GFRAL: variants seen among roughly 807,000 people sequenced by gnomAD.
GFRAL encodes GDNF family receptor alpha like.
In GFRAL, 36 loss-of-function variants were observed where a neutral mutation model predicts 45.4. That is an observed-to-expected ratio of 0.79 (90% CI 0.61 to 1.05). The LOEUF (loss-of-function observed/expected upper bound fraction) is 1.05. Among genes scored for constraint, GFRAL ranks in the 50% least tolerant of loss-of-function variants. The pLI is 0.00. For synonymous variants in GFRAL, 166 were observed against 154.1 expected, an observed-to-expected ratio of 1.08 and a Z score of -0.57; for missense variants, 507 against 467.5, an observed-to-expected ratio of 1.08 and a Z score of -0.78.
At chr6:55,376,044 TTTA>T (rs2127361867) in intron 6 of GFRAL, among the ~76,000 whole-genome samples, 1 of 152,194 alleles carries the variant, frequency 6.6e-6, no homozygotes, top group Admixed American at 6.6e-5. Flanking sequence ...CAATAACTAG[TTTA>T]TTGAGAGTTT....
intron 5 of GFRAL, among the ~76,000 whole-genome samples, chr6:55,352,329 A>G (rs1418117575): frequency 1.3e-5 from 2 of 152,118 alleles, no homozygotes; most frequent in African/African-American, 4.8e-5. Flanking sequence ...ACATTAAGAG[A>G]AAAGGGATAG....
rs1354512225 is a variant in GFRAL, at chr6:55,401,657, G to A, written c.1122-133G>A. The A allele has an allele frequency of 3.8e-5, 25 of 661,826 alleles. No homozygotes were observed. In the South Asian group the frequency reaches 3.8e-4, roughly 10 times the overall value. The allele number at this position is 661,826 out of a possible 1,614,324, so 41.0% of individuals were successfully genotyped here. A position where few individuals can be genotyped will look rare whatever the true frequency, so the allele number is the denominator to read the frequency against. On this transcript the variant is annotated intron_variant, in intron 8 of 8. Transcript: ENST00000340465. The stretch of plus-strand genomic sequence containing the variant: ...AAGAAAATATGATATTTTACTATTG[G>A]GACTTTACATTCTGGAACTTGATTA...
intron 6 of GFRAL, among the ~76,000 whole-genome samples, chr6:55,366,021 G>A (rs952228118): frequency 2.6e-5 from 4 of 150,988 alleles, no homozygotes; most frequent in Admixed American, 2.0e-4. Context: ...AATGGTACCA[G>A]TTCCTCCTTG....
intron 6 of GFRAL, among the ~76,000 whole-genome samples, chr6:55,372,176 C>T (rs1360728816): frequency 2.0e-5 from 3 of 152,172 alleles, no homozygotes; most frequent in South Asian, 2.1e-4. Flanking sequence ...ACCCTGAATG[C>T]TCCTCTTATT....
intron 6 of GFRAL, among the ~76,000 whole-genome samples, chr6:55,366,744 A>G (rs1394116579): frequency 9.3e-6 from 1 of 107,302 alleles, no homozygotes; most frequent in Non-Finnish European, 1.8e-5. Flanking sequence ...CATGTAGTTG[A>G]GTGGTTTTGA....
chr6:55,371,073 C>T (rs567047269), intron 6 of GFRAL, among the ~76,000 whole-genome samples: 5 of 152,146 alleles, frequency 3.3e-5, no homozygotes, highest in Non-Finnish European at 7.3e-5. Flanking sequence ...GCCTTCCAAT[C>T]CACAGATATA....
chr6:55,340,914 C>T (rs1767955334), intron 3 of GFRAL, among the ~76,000 whole-genome samples: 1 of 152,202 alleles, frequency 6.6e-6, no homozygotes, highest in Non-Finnish European at 1.5e-5. Context: ...GCCCATGGAG[C>T]CTCGCTCATT....
At chr6:55,358,858 A>C (rs906201399) in intron 5 of GFRAL, 30 bp from the exon 6 acceptor site, 2 of 1,602,500 alleles carry the variant, frequency 1.2e-6, no homozygotes, top group Non-Finnish European at 1.7e-6. Flanking sequence ...ACTATTCAAA[A>C]CTAATTATTT....
intron 3 of GFRAL, among the ~76,000 whole-genome samples, chr6:55,345,129 T>C (rs1303773299): frequency 2.6e-5 from 4 of 152,132 alleles, no homozygotes; most frequent in South Asian, 4.1e-4. Flanking sequence ...AGGTAATTTA[T>C]AGATTCAATG....
intron 6 of GFRAL, among the ~76,000 whole-genome samples, chr6:55,378,195 G>C (rs1451305615): frequency 2.6e-5 from 4 of 151,978 alleles, no homozygotes; most frequent in African/African-American, 9.7e-5. Context: ...ATGGTACAAT[G>C]TCCAAGATGA....
At chr6:55,359,254 G>T in intron 6 of GFRAL, 116 bp downstream of exon 6, 1 of 812,880 alleles carries the variant, frequency 1.2e-6, no homozygotes. Context: ...AGACATTTTT[G>T]TGTTTGGTAT....
At chr6:55,359,835 C>T (rs1768249896) in intron 6 of GFRAL, among the ~76,000 whole-genome samples, 1 of 151,912 alleles carries the variant, frequency 6.6e-6, no homozygotes, top group Non-Finnish European at 1.5e-5. Context: ...CAATGGCCAA[C>T]CTCAGAGTCA....
intron 6 of GFRAL, among the ~76,000 whole-genome samples, chr6:55,374,843 C>G (rs1768502397): frequency 6.6e-6 from 1 of 152,052 alleles, no homozygotes; most frequent in South Asian, 2.1e-4. Context: ...TCTGCATATG[C>G]TAACCAGCAC....
Position 55,327,485 on chromosome 6 carries a change from C to T in GFRAL, c.-70C>T, listed in dbSNP as rs1226379089. On this transcript the variant is annotated 5_prime_UTR_variant, in exon 1 of 9. Transcript: ENST00000340465. ...GCTGAAGCCTTATTCTGGACAGTTA[C>T]TCTTAAGAAAGTTGTCAGAAGAAAC... is the stretch of plus-strand genomic sequence containing the variant. 2.6e-6 allele frequency: 4 copies of T among 1,549,982 alleles called. No individual in the cohort carries two copies. Among genetic ancestry groups the T allele is most frequent in the Non-Finnish European group, 3.6e-6 (4 of 1,124,466 alleles).
At chr6:55,386,311 TA>T (rs1383911850) in intron 6 of GFRAL, among the ~76,000 whole-genome samples, 1 of 152,138 alleles carries the variant, frequency 6.6e-6, no homozygotes, top group Non-Finnish European at 1.5e-5. Flanking sequence ...TAAAACTGCA[TA>T]TTTTTTTAGC....
intron 6 of GFRAL, among the ~76,000 whole-genome samples, chr6:55,371,911 A>C (rs1461577500): frequency 1.3e-5 from 2 of 152,118 alleles, no homozygotes; most frequent in Non-Finnish European, 2.9e-5. Context: ...TCACAGACAA[A>C]TTTTCCAGAA....
chr6:55,390,783 G>A (rs1242150174), intron 6 of GFRAL, among the ~76,000 whole-genome samples: 3 of 151,998 alleles, frequency 2.0e-5, no homozygotes, highest in African/African-American at 4.8e-5. Context: ...AGCTACTCAG[G>A]AGGCTGAGGC....
chr6:55,352,780 C>T (rs1049739485), intron 5 of GFRAL, among the ~76,000 whole-genome samples: 16 of 152,002 alleles, frequency 1.1e-4, no homozygotes, highest in African/African-American at 3.4e-4. Context: ...TGTATTCATT[C>T]TCCTCTTTCT....
In GFRAL at chr6:55,386,507, C is replaced by A. The variant is rs551772643; in HGVS notation, c.953-12673C>A. 3.9e-5 allele frequency among the ~76,000 whole-genome samples: 6 copies of A among 152,188 alleles called. No homozygotes were observed. The South Asian group carries it at 1.2e-3, about 32-fold the overall frequency. On this transcript the variant is annotated intron_variant, in intron 6 of 8. Transcript: ENST00000340465. ...TTGTAAGTATATGTGTATAGGGAAT[C>A]TTTATCTGTTTTAATTTGGGCAACT...
Sources: gnomAD v4.1 joint callset for allele counts (sites outside exome capture counted in the v4.1 genomes callset) on GRCh38, gnomAD v4.1.1 for gene constraint, MANE v1.5 for transcripts, NCBI Gene and HGNC (gene_info 2026-07-23, HGNC 2026-07-21) for gene names.